Variants in SMYD3 observed in about 807,000 individuals in gnomAD.
SMYD3 encodes the protein histone-lysine N-methyltransferase SMYD3.
In SMYD3, 36 loss-of-function variants were observed where a neutral mutation model predicts 57.7. The ratio of observed to expected loss-of-function variants is 0.62; its 90% CI spans 0.48 to 0.82. SMYD3 has a LOEUF of 0.82. Ranked by LOEUF, SMYD3 falls within the 40% of genes least tolerant of loss-of-function variation. The pLI is 0.00. For missense variants in SMYD3, 515 were observed against 538.8 expected, an observed-to-expected ratio of 0.96 and a Z score of 0.44; for synonymous variants, 211 against 195.0, an observed-to-expected ratio of 1.08 and a Z score of -0.68.
chr1:246,238,049 A>G (rs2063539479), intron 5 of SMYD3, among the ~76,000 whole-genome samples: 1 of 151,964 alleles, frequency 6.6e-6, no homozygotes, highest in Non-Finnish European at 1.5e-5. Context: ...CATTTTTCTC[A>G]TAGATACCAC....
intron 5 of SMYD3, among the ~76,000 whole-genome samples, chr1:246,043,976 T>A (rs1250806949): frequency 6.6e-6 from 1 of 152,218 alleles, no homozygotes; most frequent in Non-Finnish European, 1.5e-5. Flanking sequence ...CAGGACTCGC[T>A]CTACCTGCTG....
chr1:245,998,552 C>T (rs12076410), intron 5 of SMYD3, among the ~76,000 whole-genome samples: 9 of 152,252 alleles, frequency 5.9e-5, no homozygotes, highest in South Asian at 2.1e-4. Flanking sequence ...CTGGAATCCT[C>T]GTGCATTGCT....
chr1:245,948,331 G>A (rs1305039107), intron 5 of SMYD3, among the ~76,000 whole-genome samples: 2 of 152,296 alleles, frequency 1.3e-5, no homozygotes, highest in African/African-American at 2.4e-5. Context: ...GACAGGAGAC[G>A]CCTAAGGCAA....
chr1:245,852,205 C>T (rs2051013216), intron 10 of SMYD3, among the ~76,000 whole-genome samples: 1 of 152,234 alleles, frequency 6.6e-6, no homozygotes. Context: ...CCAAGGCACC[C>T]TGCCTCCTCT....
Position 245,790,296 on chromosome 1 carries a change from T to G in SMYD3, c.1077-26147A>C, listed in dbSNP as rs183344350. Among the ~76,000 whole-genome samples the G allele has an allele frequency of 3.9e-5, 6 of 152,248 alleles. No homozygotes were observed. The East Asian group carries it at 1.2e-3, about 29-fold the overall frequency. ...ACGAACTGATGGAAAGTCAAGAGTG[T>G]CCCAACTATAGAAGGAGAGCTGCAG... On this transcript the variant is annotated intron_variant, in intron 10 of 11. Transcript: ENST00000490107.
intron 1 of SMYD3, among the ~76,000 whole-genome samples, chr1:246,375,201 C>T (rs2066255717): frequency 6.6e-6 from 1 of 151,964 alleles, no homozygotes; most frequent in Admixed American, 6.6e-5. Context: ...CTTTCAGGAA[C>T]CTAATCCTGT....
At chr1:245,996,896 G>C (rs2058940977) in intron 5 of SMYD3, among the ~76,000 whole-genome samples, 1 of 152,224 alleles carries the variant, frequency 6.6e-6, no homozygotes, top group African/African-American at 2.4e-5. Context: ...TCTTTAGCAA[G>C]ATGCCTCTGT....
intron 8 of SMYD3, among the ~76,000 whole-genome samples, chr1:245,882,498 T>A (rs1330591896): frequency 1.3e-5 from 2 of 152,126 alleles, no homozygotes; most frequent in Admixed American, 6.6e-5. Context: ...GTTCTAAATC[T>A]ATTTTCAATC....
At chr1:245,824,761 C>T (rs141732645) in intron 10 of SMYD3, among the ~76,000 whole-genome samples, 6 of 150,362 alleles carry the variant, frequency 4.0e-5, no homozygotes, top group African/African-American at 9.8e-5. Context: ...GCGGCTGAGG[C>T]GGGAGAATTG....
At chr1:246,499,711 C>T (rs2068427723) in intron 1 of SMYD3, among the ~76,000 whole-genome samples, 1 of 152,134 alleles carries the variant, frequency 6.6e-6, no homozygotes, top group Non-Finnish European at 1.5e-5. Context: ...CCACCTCGGC[C>T]TCCCAAAGTG....
chr1:246,214,639 T>C (rs1486832360), intron 5 of SMYD3, among the ~76,000 whole-genome samples: 1 of 152,156 alleles, frequency 6.6e-6, no homozygotes, highest in Non-Finnish European at 1.5e-5. Flanking sequence ...TTTAGATCAG[T>C]GGCCTCTTTC....
At chr1:246,400,985 A>G (rs1439888351) in intron 1 of SMYD3, among the ~76,000 whole-genome samples, 1 of 152,232 alleles carries the variant, frequency 6.6e-6, no homozygotes, top group Non-Finnish European at 1.5e-5. Context: ...TGAAGCTCAT[A>G]AATCAAAAGA....
At chr1:246,246,972 T>C (rs1199771689) in intron 5 of SMYD3, among the ~76,000 whole-genome samples, 1 of 152,198 alleles carries the variant, frequency 6.6e-6, no homozygotes, top group Non-Finnish European at 1.5e-5. Flanking sequence ...TATTTCTTCG[T>C]TAGTTATATG....
chr1:245,983,802 G>GT (rs2058648076), intron 5 of SMYD3, among the ~76,000 whole-genome samples: 1 of 152,146 alleles, frequency 6.6e-6, no homozygotes, highest in Admixed American at 6.5e-5. Context: ...TGATGGAATC[G>GT]TTTCGGTTTC....
intron 10 of SMYD3, among the ~76,000 whole-genome samples, chr1:245,788,608 A>G (rs2047144392): frequency 6.6e-6 from 1 of 152,238 alleles, no homozygotes; most frequent in Non-Finnish European, 1.5e-5. Context: ...CACTCAGGCC[A>G]TGCAGCAAGC....
At chr1:246,165,579 T>C (rs887858281) in intron 5 of SMYD3, among the ~76,000 whole-genome samples, 14 of 152,108 alleles carry the variant, frequency 9.2e-5, no homozygotes, top group African/African-American at 3.4e-4. Context: ...TTAAAAGTCG[T>C]CGAAACAATC....
chr1:246,417,933 A>G (rs2067086783), intron 1 of SMYD3, among the ~76,000 whole-genome samples: 1 of 152,202 alleles, frequency 6.6e-6, no homozygotes, highest in Non-Finnish European at 1.5e-5. Context: ...CTTGACCTAC[A>G]CCCAGGAATG....
At chr1:246,457,724 T>C (rs1003735390) in intron 1 of SMYD3, among the ~76,000 whole-genome samples, 2 of 152,164 alleles carry the variant, frequency 1.3e-5, no homozygotes, top group African/African-American at 4.8e-5. Flanking sequence ...AACTTAGTGC[T>C]TTTATACAAG....
chr1:245,876,332 G>T (rs2052482439), intron 8 of SMYD3, among the ~76,000 whole-genome samples: 1 of 152,158 alleles, frequency 6.6e-6, no homozygotes, highest in Admixed American at 6.5e-5. Flanking sequence ...CGAGGCAAAT[G>T]ATATCAGCAT....
Sources: gnomAD v4.1 joint callset for allele counts (sites outside exome capture counted in the v4.1 genomes callset) on GRCh38, gnomAD v4.1.1 for gene constraint, MANE v1.5 for transcripts, NCBI Gene and HGNC (gene_info 2026-07-23, HGNC 2026-07-21) for gene names.